Variants in SLC16A7 observed in about 807,000 individuals in gnomAD.
SLC16A7 encodes monocarboxylate transporter 2.
SLC16A7 carries 33 observed loss-of-function variants against 34.9 expected under a neutral mutation model. The ratio of observed to expected loss-of-function variants is 0.94; its 90% confidence interval spans 0.72 to 1.26. The LOEUF (loss-of-function observed/expected upper bound fraction) is 1.26, where lower values mean the gene tolerates loss of function less well. Among genes scored for constraint, SLC16A7 ranks in the 50% most tolerant of loss-of-function variants. The pLI is 0.00. For missense variants in SLC16A7, 573 were observed against 578.1 expected (o/e 0.99, Z 0.09); for synonymous variants, 201 against 206.6 (o/e 0.97, Z 0.23).
chr12:59,668,730 A>G (rs1222964458), intron 2 of SLC16A7, among the ~76,000 whole-genome samples: 1 of 152,168 alleles, frequency 6.6e-6, no homozygotes, highest in East Asian at 1.9e-4. Context: ...AAACGACATG[A>G]AATTTGGAAG....
chr12:59,601,501 C>T (rs929754602), intron 1 of SLC16A7, among the ~76,000 whole-genome samples: 18 of 152,280 alleles, frequency 1.2e-4, no homozygotes, highest in African/African-American at 4.1e-4. Flanking sequence ...AAATGGCAGT[C>T]GGTGACAGTA....
Position 59,600,177 on chromosome 12 carries a change from G to A in SLC16A7, c.-130+3941G>A, listed in dbSNP as rs544641674. Reference sequence around the variant, plus strand: ...TAGCACTGTGCTGAGCACATACATAGAAATAACTCAATAACTACTTTTAGG... The same window carrying A: ...TAGCACTGTGCTGAGCACATACATAAAAATAACTCAATAACTACTTTTAGG... On this transcript the variant is annotated intron_variant, in intron 1 of 5. Transcript: ENST00000547379. Among the ~76,000 whole-genome samples the A allele has an allele frequency of 5.9e-5, 9 of 152,308 alleles. No homozygotes were observed. The South Asian group carries it at 1.9e-3, about 32-fold the overall frequency.
At chr12:59,717,094 T>C (rs1874997013) in intron 3 of SLC16A7, among the ~76,000 whole-genome samples, 1 of 152,184 alleles carries the variant, frequency 6.6e-6, no homozygotes, top group South Asian at 2.1e-4. Flanking sequence ...AGAACTGGGA[T>C]ATAGAAATTG....
At chr12:59,771,791 ATATTTTC>A (rs1450789534) in intron 4 of SLC16A7, among the ~76,000 whole-genome samples, 1 of 152,148 alleles carries the variant, frequency 6.6e-6, no homozygotes, top group Non-Finnish European at 1.5e-5. Flanking sequence ...TGCCAGAGAG[ATATTTTC>A]TGGATGCACT....
intron 3 of SLC16A7, among the ~76,000 whole-genome samples, chr12:59,722,404 C>T (rs949038795): frequency 6.6e-6 from 1 of 151,784 alleles, no homozygotes; most frequent in African/African-American, 2.4e-5. Context: ...GTTCCTGTTT[C>T]TGAATATACC....
intron 3 of SLC16A7, chr12:59,734,050 A>G: frequency 3.5e-6 from 1 of 285,986 alleles, no homozygotes; most frequent in Non-Finnish European, 7.1e-6. Flanking sequence ...TGGTCTACAG[A>G]CTACCCAGAA....
chr12:59,687,657 C>T (rs1023344702), intron 2 of SLC16A7, among the ~76,000 whole-genome samples: 1 of 152,092 alleles, frequency 6.6e-6, no homozygotes, highest in African/African-American at 2.4e-5. Flanking sequence ...GCCCATGCTG[C>T]TTAGGCACTA....
intron 3 of SLC16A7, among the ~76,000 whole-genome samples, chr12:59,718,818 A>G (rs1399504514): frequency 6.6e-6 from 1 of 152,120 alleles, no homozygotes; most frequent in East Asian, 1.9e-4. Context: ...TTTCAACCTA[A>G]AAGAATTGTA....
At chr12:59,651,247 A>G (rs973007620) in intron 1 of SLC16A7, among the ~76,000 whole-genome samples, 3 of 152,184 alleles carry the variant, frequency 2.0e-5, no homozygotes, top group Admixed American at 6.6e-5. Flanking sequence ...GAATGTCTCT[A>G]TAACAAAGAA....
intron 3 of SLC16A7, among the ~76,000 whole-genome samples, chr12:59,762,225 T>C (rs1443802823): frequency 6.6e-6 from 1 of 152,126 alleles, no homozygotes; most frequent in African/African-American, 2.4e-5. Context: ...TTTCGTGTCA[T>C]AAGCCAGAAT....
At chr12:59,629,588 C>T (rs1264537032) in intron 1 of SLC16A7, among the ~76,000 whole-genome samples, 1 of 151,924 alleles carries the variant, frequency 6.6e-6, no homozygotes, top group Non-Finnish European at 1.5e-5. Context: ...AAGTGGTAGA[C>T]TCTATTATAA....
At chr12:59,713,051 G>A (rs189619949) in intron 3 of SLC16A7, among the ~76,000 whole-genome samples, 6 of 150,360 alleles carry the variant, frequency 4.0e-5, no homozygotes, top group Admixed American at 2.0e-4. Flanking sequence ...ATGTAGTCTC[G>A]CTCTGTTGCC....
chr12:59,684,861 G>A (rs1478938520), intron 2 of SLC16A7, among the ~76,000 whole-genome samples: 1 of 152,146 alleles, frequency 6.6e-6, no homozygotes, highest in African/African-American at 2.4e-5. Context: ...GAAGAGGCCA[G>A]CCTACAGGTC....
intron 3 of SLC16A7, among the ~76,000 whole-genome samples, chr12:59,709,365 T>A (rs767054864): frequency 1.4e-4 from 21 of 151,706 alleles, no homozygotes; most frequent in Non-Finnish European, 2.6e-4. Context: ...CTACTTTACA[T>A]GGGGATTGAA....
intron 1 of SLC16A7, among the ~76,000 whole-genome samples, chr12:59,623,542 C>T (rs1157518690): frequency 6.6e-6 from 1 of 150,658 alleles, no homozygotes; most frequent in Non-Finnish European, 1.5e-5. Context: ...ATTGAGATAC[C>T]ATATATGTTG....
At chr12:59,756,135 A>G (rs1880311157) in intron 3 of SLC16A7, among the ~76,000 whole-genome samples, 1 of 152,222 alleles carries the variant, frequency 6.6e-6, no homozygotes, top group African/African-American at 2.4e-5. Context: ...TAAACGTTAG[A>G]CCTAAAACCA....
chr12:59,698,299 T>C (rs576842940), intron 2 of SLC16A7, among the ~76,000 whole-genome samples: 3 of 151,906 alleles, frequency 2.0e-5, no homozygotes, highest in African/African-American at 7.2e-5. Flanking sequence ...AAATGAGATA[T>C]TCAAATCTTA....
intron 1 of SLC16A7, among the ~76,000 whole-genome samples, chr12:59,599,063 C>T (rs17122678): frequency 0.17 from 26,539 of 151,866 alleles, 3,079 homozygotes; most frequent in East Asian, 0.56. Context: ...TGGCTTTAAC[C>T]ACTGTGTCAT....
intron 3 of SLC16A7, among the ~76,000 whole-genome samples, chr12:59,753,240 A>G (rs1340165885): frequency 6.6e-6 from 1 of 152,206 alleles, no homozygotes; most frequent in East Asian, 1.9e-4. Context: ...GACAGGATCA[A>G]ATTCACACAT....
Sources: allele counts gnomAD v4.1 joint callset (sites outside exome capture counted in the v4.1 genomes callset), GRCh38; gene constraint gnomAD v4.1.1; transcripts MANE v1.5; gene names NCBI Gene and HGNC (gene_info 2026-07-23, HGNC 2026-07-21).